FER1L5: variants seen among roughly 807,000 people sequenced by gnomAD.
FER1L5 encodes the protein fer-1-like protein 5.
FER1L5 carries 187 observed loss-of-function variants against 279.9 expected under a neutral mutation model. The observed-to-expected ratio is 0.67, with a 90% CI of 0.59 to 0.75. FER1L5 has a LOEUF of 0.75. Among genes scored for constraint, FER1L5 ranks in the 30% least tolerant of loss-of-function variants. The pLI is 0.00. For synonymous variants in FER1L5, 921 were observed against 989.7 expected (o/e 0.93, Z 1.30); for missense variants, 2,091 against 2,594.4 (o/e 0.81, Z 4.21).
rs1243680326 is a variant in FER1L5 at position 96,702,578 on chromosome 2, G to A, written c.5256-22G>A. 1.2e-5 allele frequency: 19 copies of A among 1,558,390 alleles called. No homozygotes were observed. Among genetic ancestry groups the A allele is most frequent in the Non-Finnish European group, 1.6e-5 (18 of 1,151,278 alleles). On this transcript the variant is annotated intron_variant, in intron 47 of 52. Transcript: ENST00000624922. This position sits in a 1 kb window ranked among gnomAD's most constrained non-coding sequence, Gnocchi z 4.0. The stretch of plus-strand genomic sequence containing the variant: ...ATGGGGCCAATGCACATGAGCCACA[G>A]GTGATAGGACTCTGGCCCCAGGTGG...
chr2:96,652,098 C>T lies in FER1L5; in HGVS notation c.633+78C>T, dbSNP rs536639662. The T allele has an allele frequency of 8.9e-5, 137 of 1,540,228 alleles. No homozygotes were observed. The East Asian group carries it at 3.1e-3, about 35-fold the overall frequency. ...CCGGTGGGCAGCCGGCAAGCTTGCT[C>T]CTTGACTAGGGTGTCTTCATGTGTT... On this transcript the variant is annotated intron_variant, in intron 7 of 52. Coordinates refer to ENST00000624922, the MANE Select transcript of FER1L5 (RefSeq NM_001293083.2).
In FER1L5 at chr2:96,669,119, G is replaced by C. The variant is rs1558871102; in HGVS notation, c.1344G>C (p.Arg448Ser). 6.4e-7 allele frequency: 1 copy of C among 1,551,634 alleles called. No homozygotes were observed. The highest frequency in any genetic ancestry group is 2.0e-5 in the Admixed American group (1 of 51,002). ...TLHGGKKAPF[R>S]IQEEGACIPD... ...ATGGGGGTAAAAAGGCCCCTTTCAGGATCCAGGAAGAAGGCGCTGTAAGCT... is the reference window on the plus strand; with the variant it reads ...ATGGGGGTAAAAAGGCCCCTTTCAGCATCCAGGAAGAAGGCGCTGTAAGCT... The change falls in exon 17 of 53, where the codon AGG becomes AGC. Residue 448 changes from arginine to serine, a missense_variant. Coordinates refer to ENST00000624922, the MANE Select transcript of FER1L5 (RefSeq NM_001293083.2).
chr2:96,694,201 T>TTGGTGACGCTGGCCTGACC lies in FER1L5; in HGVS notation c.3636+130_3637-140dup, dbSNP rs1422282355. On this transcript the variant is annotated intron_variant, in intron 33 of 52. Coordinates refer to ENST00000624922, the MANE Select transcript of FER1L5 (RefSeq NM_001293083.2). This position sits in a 1 kb window ranked among gnomAD's most constrained non-coding sequence, Gnocchi z 4.6. ...GGGCCCAGGATCCCGAGCTGTGGGCTTGGTGACGCTGGCCTGACCAGCCTC... is the reference window on the plus strand; with the variant it reads ...GGGCCCAGGATCCCGAGCTGTGGGCTTGGTGACGCTGGCCTGACCTGGTGACGCTGGCCTGACCAGCCTC... 4.4e-6 allele frequency: 6 copies of TTGGTGACGCTGGCCTGACC among 1,375,860 alleles called. No homozygotes were observed. The highest frequency in any genetic ancestry group is 5.8e-6 in the Non-Finnish European group (6 of 1,035,546). The allele number at this position is 1,375,860 out of a possible 1,614,324, so 85.2% of individuals were successfully genotyped here. A position where few individuals can be genotyped will look rare whatever the true frequency, so the allele number is the denominator to read the frequency against.
At chr2:96,652,142 T>G in intron 7 of FER1L5, 122 bp downstream of exon 7, 1 of 1,370,496 alleles carries the variant, frequency 7.3e-7, no homozygotes. Flanking sequence ...AAGCATTTAC[T>G]GAGTGTCTAC....
intron 7 of FER1L5, chr2:96,653,220 C>A (rs74500874): frequency 0.012 from 2,445 of 206,774 alleles, 64 homozygotes; most frequent in African/African-American, 0.055. Flanking sequence ...AAATAGGAAA[C>A]CCTCTAGGAG....
At chr2:96,696,588 C>T (rs1242248946) in intron 37 of FER1L5, among the ~76,000 whole-genome samples, 2 of 152,020 alleles carry the variant, frequency 1.3e-5, no homozygotes, top group Admixed American at 1.3e-4. Context: ...GCCACCATGC[C>T]CGGCCTTAAA....
intron 17 of FER1L5, among the ~76,000 whole-genome samples, chr2:96,669,719 A>C (rs2076255253): frequency 6.6e-6 from 1 of 152,078 alleles, no homozygotes; most frequent in Non-Finnish European, 1.5e-5. Flanking sequence ...ACCTCACCAC[A>C]CAGCCTCCAG....
chr2:96,649,629 G>A lies in FER1L5; in HGVS notation c.346G>A (p.Val116Ile), dbSNP rs775852542. 22 of 1,551,396 alleles carry A rather than the reference G, an allele frequency of 1.4e-5. No homozygotes were observed. The African/African-American group carries it at 2.3e-4, about 16-fold the overall frequency. ...NHSMKPTDCT[V>I]TLQVAHMSNQ... The stretch of plus-strand genomic sequence containing the variant: ...CCTTGCCTTTGTCTTGCAGTGTACT[G>A]TCACCCTACAGGTGGCCCACATGAG... Residue 116 changes from valine to isoleucine, a missense_variant, in exon 5 of 53, where the codon GTC becomes ATC. Coordinates refer to ENST00000624922, the MANE Select transcript of FER1L5 (RefSeq NM_001293083.2).
At chr2:96,659,323 T>G (rs1339150481) in intron 9 of FER1L5, among the ~76,000 whole-genome samples, 6 of 70,384 alleles carry the variant, frequency 8.5e-5, no homozygotes, top group African/African-American at 3.2e-4. Context: ...CCTTCCTTCC[T>G]TCCTTCCTTC....
intron 2 of FER1L5, 74 bp from the exon 3 acceptor site, chr2:96,646,990 T>G: frequency 6.9e-7 from 1 of 1,458,970 alleles, no homozygotes; most frequent in Non-Finnish European, 9.4e-7. Context: ...GTTCCCCACG[T>G]CTTTCCTCAT....
At chr2:96,675,463 G>A (rs1171795326) in intron 19 of FER1L5, among the ~76,000 whole-genome samples, 1 of 151,942 alleles carries the variant, frequency 6.6e-6, no homozygotes, top group East Asian at 1.9e-4. Context: ...ATCTTGTTCT[G>A]TTGTCCAGGA....
chr2:96,691,274 G>T lies in FER1L5; in HGVS notation c.2828G>T (p.Arg943Leu). ...GAGAAGACCTACCACTCGTGCCGCC[G>T]CCGGCGCTGGGCGCGTGTGCGCTTC... The part of the protein sequence containing the change: ...PVEKTYHSCR[R>L]RRWARVRFRN... The change falls in exon 28 of 53, where the codon CGC (arginine) becomes CTC (leucine). Residue 943 changes from arginine (R) to leucine (L), a missense_variant. By Grantham distance (102) the Arg-to-Leu change is moderately radical. Coordinates refer to ENST00000624922, the MANE Select transcript of FER1L5 (RefSeq NM_001293083.2). This position sits in a 1 kb window ranked among gnomAD's most constrained non-coding sequence, Gnocchi z 6.0. The T allele has an allele frequency of 6.4e-7, 1 of 1,550,562 alleles. No homozygotes were observed. Among genetic ancestry groups the T allele is most frequent in the Non-Finnish European group, 8.7e-7 (1 of 1,146,894 alleles).
At chr2:96,647,007 GA>G (rs2075160231) in intron 2 of FER1L5, 56 bp from the exon 3 acceptor site, 2 of 1,516,720 alleles carry the variant, frequency 1.3e-6, no homozygotes, top group Non-Finnish European at 1.8e-6. Flanking sequence ...TCATTTCCTA[GA>G]AACATGGGAT....
At chr2:96,643,583 C>T (rs1231515340) in intron 1 of FER1L5, among the ~76,000 whole-genome samples, 1 of 152,030 alleles carries the variant, frequency 6.6e-6, no homozygotes, top group Non-Finnish European at 1.5e-5. Flanking sequence ...CTCCTGACCT[C>T]AGGGGACCCA....
intron 21 of FER1L5, 106 bp from the exon 22 acceptor site, chr2:96,685,834 A>G (rs897142812): frequency 2.2e-6 from 3 of 1,348,276 alleles, no homozygotes; most frequent in African/African-American, 1.5e-5. Context: ...AGATGGGGGC[A>G]GGATCTTGAG....
intron 10 of FER1L5, among the ~76,000 whole-genome samples, chr2:96,660,974 AG>A: frequency 6.6e-6 from 1 of 152,220 alleles, no homozygotes; most frequent in African/African-American, 2.4e-5. Flanking sequence ...CAGTATTGGA[AG>A]ATTAAAGTTT....
intron 42 of FER1L5, 90 bp downstream of exon 42, chr2:96,699,226 C>T: frequency 7.6e-7 from 1 of 1,318,198 alleles, no homozygotes; most frequent in Non-Finnish European, 1.1e-6. Context: ...CTCTGGCACT[C>T]CTGTCCAGCC....
chr2:96,688,802 C>T (rs929664574), intron 24 of FER1L5, among the ~76,000 whole-genome samples: 10 of 151,998 alleles, frequency 6.6e-5, no homozygotes, highest in African/African-American at 1.7e-4. Flanking sequence ...CCTGCTCCCT[C>T]GTCACTGCAG....
chr2:96,688,081 A>G, intron 24 of FER1L5, 134 bp downstream of exon 24: 1 of 1,209,618 alleles, frequency 8.3e-7, no homozygotes, highest in East Asian at 2.6e-5. Flanking sequence ...GTAGCCCTGC[A>G]CTGAAGAGGA....
Sources: gnomAD v4.1 joint callset for allele counts (sites outside exome capture counted in the v4.1 genomes callset) on GRCh38, gnomAD v4.1.1 for gene constraint, Gnocchi (gnomAD v3.1) non-coding constraint, MANE v1.5 for transcripts, NCBI Gene and HGNC (gene_info 2026-07-23, HGNC 2026-07-21) for gene names.